UBR1: variants seen among roughly 807,000 people sequenced by gnomAD.
The protein encoded by UBR1 is E3 ubiquitin-protein ligase UBR1.
In UBR1, 102 loss-of-function variants were observed where a neutral mutation model predicts 242.1. The ratio of observed to expected loss-of-function variants is 0.42; its 90% confidence interval spans 0.36 to 0.50. The LOEUF (loss-of-function observed/expected upper bound fraction) is 0.50. Ranked by LOEUF, UBR1 falls within the 20% of genes least tolerant of loss-of-function variation. The pLI, the probability that UBR1 is intolerant of heterozygous loss-of-function variation, is 0.01. For missense variants in UBR1, 1,772 were observed against 2,101.8 expected (o/e 0.84, Z 3.07); for synonymous variants, 675 against 684.8 (o/e 0.99, Z 0.22).
At chr15:42,948,503 A>C (rs2031775040) in intron 46 of UBR1, among the ~76,000 whole-genome samples, 2 of 152,156 alleles carry the variant, frequency 1.3e-5, no homozygotes, top group East Asian at 1.9e-4. Flanking sequence ...CAACCTACAA[A>C]ATGGGAGAAA....
intron 2 of UBR1, among the ~76,000 whole-genome samples, chr15:43,084,287 C>A (rs1266695230): frequency 2.0e-5 from 3 of 151,976 alleles, no homozygotes; most frequent in Non-Finnish European, 4.4e-5. Flanking sequence ...GTACCTTCAT[C>A]CCCAGTTGTA....
rs2032421978 is a variant in UBR1, at chr15:42,983,963, C to T, written c.4084G>A (p.Ala1362Thr). The T allele has an allele frequency of 6.2e-7, 1 of 1,613,012 alleles. No individual in the cohort carries two copies. Among genetic ancestry groups the T allele is most frequent in the Non-Finnish European group, 8.5e-7 (1 of 1,179,526 alleles). Residue 1362 changes from alanine (A) to threonine (T), a missense_variant, in exon 37 of 47, where the codon GCA becomes ACA. Ala to Thr is a moderately conservative substitution (Grantham distance 58). Coordinates refer to ENST00000290650, the MANE Select transcript of UBR1 (RefSeq NM_174916.3). ...GGACAGGTAATCCTCTGTGCAACTG[C>T]AAACTGCATTAATGCTTTCAGACCA... ...HNGLKALMQF[A>T]VAQRITCPQV...
intron 27 of UBR1, among the ~76,000 whole-genome samples, chr15:43,019,181 C>A (rs2033070511): frequency 6.6e-6 from 1 of 152,126 alleles, no homozygotes; most frequent in South Asian, 2.1e-4. Flanking sequence ...CCTGCCTCAG[C>A]CTCCTGAGTA....
Position 43,070,806 on chromosome 15 carries a change from T to C in UBR1, c.648A>G (p.Glu216=). The change falls in exon 5 of 47, where the codon GAA becomes GAG. Residue 216 remains glutamate (E), a synonymous_variant. Transcript: ENST00000290650. ...ACAGTTTTCCCCACCTTATCTGGAG[T>C]TCAGGAGGCAGTTCTTTTTCCTCTT... ...IWEEEKELPP[E]LQIREKNERY... is the part of the protein sequence containing the mutation. 6.2e-7 allele frequency: 1 copy of C among 1,613,390 alleles called. No individual in the cohort carries two copies. Among genetic ancestry groups the C allele is most frequent in the Non-Finnish European group, 8.5e-7 (1 of 1,179,946 alleles).
intron 45 of UBR1, 80 bp from the exon 46 acceptor site, chr15:42,950,443 A>AACT (rs2031815832): frequency 1.6e-6 from 2 of 1,225,870 alleles, no homozygotes; most frequent in Admixed American, 3.4e-5. Context: ...TAACCTAGAG[A>AACT]AAAGACGTGG....
intron 15 of UBR1, among the ~76,000 whole-genome samples, chr15:43,042,077 C>T (rs777034437): frequency 2.0e-5 from 3 of 151,954 alleles, no homozygotes; most frequent in Non-Finnish European, 2.9e-5. Flanking sequence ...CTAGTGCATG[C>T]GGGTGGGAAT....
chr15:42,990,592 T>G (rs534583021), intron 33 of UBR1, among the ~76,000 whole-genome samples: 16 of 152,368 alleles, frequency 1.1e-4, no homozygotes, highest in Non-Finnish European at 2.9e-5. Flanking sequence ...TTGGGTGATA[T>G]TCTTCTGTTC....
chr15:43,039,522 T>C (rs2033388392), intron 15 of UBR1, among the ~76,000 whole-genome samples: 1 of 152,234 alleles, frequency 6.6e-6, no homozygotes, highest in Admixed American at 6.5e-5. Context: ...TTTTGCACAT[T>C]GATTTTGTAT....
chr15:43,099,934 G>T (rs531653876), intron 1 of UBR1, among the ~76,000 whole-genome samples: 15 of 151,430 alleles, frequency 9.9e-5, no homozygotes, highest in African/African-American at 3.4e-4. Context: ...GGAGTGCAGT[G>T]GTGTGATCTC....
At chr15:43,069,574 C>G (rs2033798488) in intron 5 of UBR1, among the ~76,000 whole-genome samples, 1 of 152,194 alleles carries the variant, frequency 6.6e-6, no homozygotes, top group African/African-American at 2.4e-5. Context: ...CGCGCCCGGC[C>G]TATGTTCCCA....
chr15:43,015,991 A>G (rs1003362572), intron 28 of UBR1, 122 bp from the exon 29 acceptor site: 6 of 821,060 alleles, frequency 7.3e-6, no homozygotes, highest in Non-Finnish European at 9.7e-6. Context: ...TACATCCTGG[A>G]TTCAGTTTAA....
intron 1 of UBR1, chr15:43,091,906 CAAAA>C (rs58586323): frequency 0.02 from 3,591 of 176,584 alleles, no homozygotes; most frequent in East Asian, 0.031. Context: ...TACACCATCT[CAAAA>C]AAAAAAAAAA....
chr15:43,081,622 G>A (rs149165137), intron 3 of UBR1, among the ~76,000 whole-genome samples: 36 of 152,124 alleles, frequency 2.4e-4, no homozygotes, highest in African/African-American at 8.2e-4. Context: ...TATTCTTGAT[G>A]AAGTGTCTAT....
chr15:43,014,497 C>G (rs1320969784), intron 29 of UBR1, among the ~76,000 whole-genome samples: 1 of 151,776 alleles, frequency 6.6e-6, no homozygotes, highest in Non-Finnish European at 1.5e-5. Context: ...GCCGGGCCAC[C>G]CATCGTCTGA....
In UBR1 at chr15:43,068,089, T is replaced by TAAA. The variant is rs375762522; in HGVS notation, c.660-56_660-54dup. The TAAA allele has an allele frequency of 3.2e-4, 254 of 787,610 alleles. No individual in the cohort carries two copies. The African/African-American group carries it at 4.8e-3, about 15-fold the overall frequency. 48.8% of individuals were successfully genotyped at this position (787,610 alleles called of 1,614,324 possible). A position where few individuals can be genotyped will look rare whatever the true frequency, so the allele number is the denominator to read the frequency against. Reference sequence around the variant, plus strand: ...GATACTACAACAAATAAAGGAAAAGTAAAAAAAAAAAAAAAAAAGACAAAA... The same window carrying TAAA: ...GATACTACAACAAATAAAGGAAAAGTAAAAAAAAAAAAAAAAAAAAAGACAAAA... On this transcript the variant is annotated intron_variant, in intron 5 of 46. Coordinates refer to ENST00000290650, the MANE Select transcript of UBR1 (RefSeq NM_174916.3).
At chr15:42,956,913 T>A (rs2031930342) in intron 44 of UBR1, among the ~76,000 whole-genome samples, 1 of 152,196 alleles carries the variant, frequency 6.6e-6, no homozygotes, top group Non-Finnish European at 1.5e-5. Flanking sequence ...CCTCACACAT[T>A]GCTGGTTGGG....
At chr15:42,965,377 A>T (rs752765322) in intron 41 of UBR1, among the ~76,000 whole-genome samples, 7 of 152,040 alleles carry the variant, frequency 4.6e-5, no homozygotes, top group Non-Finnish European at 7.4e-5. Context: ...TGAGAAGGTG[A>T]TCCTATTGCT....
intron 46 of UBR1, among the ~76,000 whole-genome samples, chr15:42,946,474 A>G (rs114720845): frequency 7.8e-4 from 119 of 152,202 alleles, no homozygotes; most frequent in African/African-American, 2.8e-3. Context: ...TCTGCTTTGT[A>G]CCCTTGTGGA....
At chr15:43,053,523 T>C (rs1397461987) in intron 12 of UBR1, among the ~76,000 whole-genome samples, 1 of 152,214 alleles carries the variant, frequency 6.6e-6, no homozygotes, top group South Asian at 2.1e-4. Context: ...AATGGCTATA[T>C]ATTGATTCAC....
Sources: gnomAD v4.1 joint callset for allele counts (sites outside exome capture counted in the v4.1 genomes callset) on GRCh38, gnomAD v4.1.1 for gene constraint, MANE v1.5 for transcripts, NCBI Gene and HGNC (gene_info 2026-07-23, HGNC 2026-07-21) for gene names.